STK3: variants seen among roughly 807,000 people sequenced by gnomAD.
STK3 encodes serine/threonine-protein kinase 3.
In STK3, 41 loss-of-function variants were observed where a neutral mutation model predicts 58.0. That is an observed-to-expected ratio of 0.71 (90% confidence interval 0.55 to 0.92). The LOEUF (loss-of-function observed/expected upper bound fraction) is 0.92. STK3 is among the 40% of genes least tolerant of loss of function. STK3 has a pLI of 0.00. For synonymous variants in STK3, 170 were observed against 191.0 expected, an observed-to-expected ratio of 0.89 and a Z score of 0.91; for missense variants, 479 against 602.7, an observed-to-expected ratio of 0.79 and a Z score of 2.15.
chr8:98,646,736 T>C (rs1168096285), intron 6 of STK3, among the ~76,000 whole-genome samples: 2 of 152,166 alleles, frequency 1.3e-5, no homozygotes, highest in Non-Finnish European at 2.9e-5. Flanking sequence ...CACTCTTCTT[T>C]CTTCTACATA....
intron 10 of STK3, among the ~76,000 whole-genome samples, chr8:98,462,239 G>T (rs535450234): frequency 7.4e-4 from 112 of 152,186 alleles, no homozygotes; most frequent in South Asian, 3.7e-3. Context: ...AAGCTGGAGT[G>T]CAGTGGTGTG....
chr8:98,757,059 C>G (rs953836517), intron 3 of STK3, among the ~76,000 whole-genome samples: 4 of 135,140 alleles, frequency 3.0e-5, no homozygotes, highest in Non-Finnish European at 5.0e-5. Flanking sequence ...CTGGTACTTC[C>G]CCGTGGAGCC....
intron 3 of STK3, among the ~76,000 whole-genome samples, chr8:98,852,565 C>A (rs186914098): frequency 6.6e-5 from 10 of 152,366 alleles, no homozygotes; most frequent in African/African-American, 2.2e-4. Context: ...ACATAGTTGA[C>A]AATTCACTCT....
intron 3 of STK3, chr8:98,427,971 G>C (rs891960920): frequency 1.3e-6 from 2 of 1,498,622 alleles, no homozygotes; most frequent in African/African-American, 2.8e-5. Context: ...GGCGGCCGGC[G>C]CCTCCAGCAT....
intron 3 of STK3, chr8:98,413,079 T>G (rs574345600): frequency 3.9e-6 from 1 of 254,470 alleles, no homozygotes; most frequent in South Asian, 4.4e-5. Context: ...AGTGGCGCGA[T>G]CTTGGCTCAC....
At chr8:98,665,925 G>A (rs1482441648) in intron 6 of STK3, among the ~76,000 whole-genome samples, 1 of 151,614 alleles carries the variant, frequency 6.6e-6, no homozygotes, top group Non-Finnish European at 1.5e-5. Flanking sequence ...GGATGGTCTC[G>A]ATCTCCTGAC....
At chr8:98,653,481 T>A (rs1261189881) in intron 6 of STK3, among the ~76,000 whole-genome samples, 89 of 151,772 alleles carry the variant, frequency 5.9e-4, no homozygotes, top group Admixed American at 5.8e-3. Flanking sequence ...ATAACTAAAA[T>A]CAGAGCAGAA....
intron 6 of STK3, among the ~76,000 whole-genome samples, chr8:98,660,570 T>A (rs1302175221): frequency 1.3e-5 from 2 of 152,062 alleles, no homozygotes; most frequent in Admixed American, 1.3e-4. Context: ...GGTTTTAATA[T>A]CTGATGCCCC....
At chr8:98,844,199 G>A (rs1215398114) in intron 3 of STK3, among the ~76,000 whole-genome samples, 4 of 152,122 alleles carry the variant, frequency 2.6e-5, no homozygotes, top group East Asian at 1.9e-4. Flanking sequence ...AAAATTGTGA[G>A]CCACTATGCC....
intron 1 of STK3, among the ~76,000 whole-genome samples, chr8:98,912,862 T>C (rs1839203363): frequency 6.6e-6 from 1 of 152,136 alleles, no homozygotes; most frequent in Non-Finnish European, 1.5e-5. Context: ...TTTTGAGTGG[T>C]TGTGTTTTTT....
chr8:98,346,947 AT>A, the STK3 span, among the ~76,000 whole-genome samples: 1 of 151,828 alleles, frequency 6.6e-6, no homozygotes, highest in African/African-American at 2.4e-5. Context: ...ATATAATTAT[AT>A]TTTTAAGCAA....
In STK3 at chr8:98,825,575, G is replaced by T; in HGVS notation, c.-35C>A. 1 of 1,442,626 alleles carries T rather than the reference G, an allele frequency of 6.9e-7. No homozygotes were observed. Among genetic ancestry groups the T allele is most frequent in the South Asian group, 1.3e-5 (1 of 75,214 alleles). 89.4% of individuals were successfully genotyped at this position (1,442,626 alleles called of 1,614,324 possible). A position where few individuals can be genotyped will look rare whatever the true frequency, so the allele number is the denominator to read the frequency against. ...GGACAGAGAGAGGGACCTGGTGGAC[G>T]GCGAAGGCCGAAAGGAGGAAAGGAG... On this transcript the variant is annotated 5_prime_UTR_variant, in exon 1 of 11. Coordinates refer to ENST00000419617, the MANE Select transcript of STK3 (RefSeq NM_006281.4).
rs542925927 is a variant in STK3, at chr8:98,404,787, G to C, written n.484-3274C>G. On this transcript the variant is annotated intron_variant and non_coding_transcript_variant, in intron 3 of 3. Coordinates refer to the STK3 transcript ENST00000517832. ...GATTGCTTGAGTCTGGGAGGTCAAG[G>C]CTGCAATGAGCCATGATCGCACCAC... Among the ~76,000 whole-genome samples, 24 of 152,110 alleles carry C rather than the reference G, an allele frequency of 1.6e-4. No homozygotes were observed. In the South Asian group the frequency reaches 2.9e-3, roughly 19 times the overall value.
intron 10 of STK3, among the ~76,000 whole-genome samples, chr8:98,516,525 G>C (rs1199340104): frequency 1.3e-5 from 2 of 151,942 alleles, no homozygotes; most frequent in Non-Finnish European, 2.9e-5. Flanking sequence ...TTGCAGACTT[G>C]AGCTATAATT....
At chr8:98,785,289 G>T (rs867496597) in intron 1 of STK3, among the ~76,000 whole-genome samples, 2 of 152,106 alleles carry the variant, frequency 1.3e-5, no homozygotes, top group Admixed American at 6.5e-5. Context: ...TGGTGGTGGG[G>T]TGGCAGGGGG....
At chr8:98,570,629 A>C (rs1812886371) in intron 8 of STK3, among the ~76,000 whole-genome samples, 1 of 152,176 alleles carries the variant, frequency 6.6e-6, no homozygotes. Flanking sequence ...AACCAGCAAA[A>C]AAAACCCGAA....
chr8:98,894,697 C>T (rs545006619), intron 1 of STK3, among the ~76,000 whole-genome samples: 63 of 152,236 alleles, frequency 4.1e-4, no homozygotes, highest in African/African-American at 1.4e-3. Context: ...TAACAGTGCC[C>T]GACATACAGT....
chr8:98,661,629 G>C (rs919984465), intron 6 of STK3, among the ~76,000 whole-genome samples: 6 of 152,024 alleles, frequency 3.9e-5, no homozygotes, highest in African/African-American at 1.4e-4. Context: ...TCTTCGGGGA[G>C]GAAAAATTTA....
chr8:98,606,434 T>C (rs1563796163), intron 6 of STK3: 1 of 152,194 alleles, frequency 6.6e-6, no homozygotes, highest in Admixed American at 6.5e-5. Context: ...CAAAAGCCCA[T>C]GGAATTTCCA....
Sources: gnomAD v4.1 joint callset for allele counts (sites outside exome capture counted in the v4.1 genomes callset) on GRCh38, gnomAD v4.1.1 for gene constraint, MANE v1.5 for transcripts, NCBI Gene and HGNC (gene_info 2026-07-23, HGNC 2026-07-21) for gene names.